ATP8A2: variants seen among roughly 807,000 people sequenced by gnomAD.
The protein encoded by ATP8A2 is ATPase phospholipid transporting 8A2, also known as phospholipid-transporting ATPase IB.
Under a neutral mutation model 165.6 loss-of-function variants are expected in ATP8A2, and 100 were observed. The ratio of observed to expected loss-of-function variants is 0.60; its 90% CI spans 0.51 to 0.71. The LOEUF is 0.71. Among genes scored for constraint, ATP8A2 ranks in the 30% least tolerant of loss-of-function variants. The pLI, the probability that ATP8A2 is intolerant of heterozygous loss-of-function variation, is 0.00. For missense variants in ATP8A2, 1,227 were observed against 1,479.5 expected (o/e 0.83, Z 2.80); for synonymous variants, 543 against 548.8 (o/e 0.99, Z 0.15).
rs551159490 is a variant in ATP8A2, at chr13:25,629,282, G to A, written c.2211+39583G>A. Among the ~76,000 whole-genome samples the A allele has an allele frequency of 2.6e-5, 4 of 152,246 alleles. No individual in the cohort carries two copies. In the East Asian group the frequency reaches 5.8e-4, roughly 22 times the overall value. On this transcript the variant is annotated intron_variant, in intron 24 of 36. Coordinates refer to ENST00000381655, the MANE Select transcript of ATP8A2 (RefSeq NM_016529.6). The stretch of plus-strand genomic sequence containing the variant: ...CTCAATAAAAAAATTTTTAGAAGAA[G>A]CAATAGAATAGCAAATCATATCATT...
intron 24 of ATP8A2, among the ~76,000 whole-genome samples, chr13:25,639,997 A>G (rs1332946433): frequency 6.6e-6 from 1 of 152,358 alleles, no homozygotes; most frequent in East Asian, 1.9e-4. Context: ...CTGCTTCTGA[A>G]TGACTACTGG....
chr13:25,987,737 G>A (rs1956301567), intron 35 of ATP8A2, among the ~76,000 whole-genome samples: 1 of 152,246 alleles, frequency 6.6e-6, no homozygotes, highest in South Asian at 2.1e-4. Flanking sequence ...GACAGCCTTC[G>A]CATAACACCA....
intron 34 of ATP8A2, among the ~76,000 whole-genome samples, chr13:25,967,948 G>A (rs540225603): frequency 6.6e-6 from 1 of 152,144 alleles, no homozygotes; most frequent in Non-Finnish European, 1.5e-5. Context: ...ATGTCACTGA[G>A]GCCTGCGTGT....
chr13:25,574,250 A>G lies in ATP8A2; in HGVS notation c.1663-558A>G, dbSNP rs112285846. On this transcript the variant is annotated intron_variant, in intron 18 of 36. Transcript: ENST00000381655. ...ACCAGGTACAGATTCACCATCTCTTATCTGCAAATTCGAAACCCAAATGCC... is the reference window on the plus strand; with the variant it reads ...ACCAGGTACAGATTCACCATCTCTTGTCTGCAAATTCGAAACCCAAATGCC... Among the ~76,000 whole-genome samples the G allele has an allele frequency of 1.3e-3, 195 of 152,366 alleles. 3 individuals carry two copies. The highest frequency in any genetic ancestry group is 4.4e-3 in the African/African-American group (183 of 41,592).
intron 23 of ATP8A2, among the ~76,000 whole-genome samples, chr13:25,587,492 A>G (rs1310375286): frequency 6.6e-6 from 1 of 152,204 alleles, no homozygotes; most frequent in East Asian, 1.9e-4. Flanking sequence ...TCAGTTGTCA[A>G]ATGGCATTTT....
At chr13:25,977,696 A>G (rs1593660200) in intron 35 of ATP8A2, among the ~76,000 whole-genome samples, 1 of 152,330 alleles carries the variant, frequency 6.6e-6, no homozygotes, top group African/African-American at 2.4e-5. Context: ...AAATTTTTAA[A>G]TTAAATACCA....
At chr13:25,641,749 A>G (rs1307537505) in intron 24 of ATP8A2, among the ~76,000 whole-genome samples, 3 of 151,958 alleles carry the variant, frequency 2.0e-5, no homozygotes, top group Non-Finnish European at 2.9e-5. Context: ...ATTGGAAAAA[A>G]CTACTTTAAA....
chr13:25,977,676 A>C (rs1199006725), intron 35 of ATP8A2, among the ~76,000 whole-genome samples: 1 of 152,194 alleles, frequency 6.6e-6, no homozygotes, highest in Non-Finnish European at 1.5e-5. Flanking sequence ...ACCGATGTTT[A>C]ATAATTAGAA....
In ATP8A2 at chr13:26,019,895, T is replaced by A; in HGVS notation, c.3477T>A (p.Tyr1159Ter). 1 of 1,613,130 alleles carries A rather than the reference T, an allele frequency of 6.2e-7. No individual in the cohort carries two copies. The highest frequency in any genetic ancestry group is 8.5e-7 in the Non-Finnish European group (1 of 1,179,026). The change falls in exon 37 of 37, where the codon TAT (tyrosine) becomes TAA (stop). Residue 1159 changes from tyrosine (Y) to a stop codon, truncating the protein, a stop_gained. Coordinates refer to ENST00000381655, the MANE Select transcript of ATP8A2 (RefSeq NM_016529.6). LOFTEE classifies it high-confidence loss of function. Reference sequence around the variant, plus strand: ...TGTGTGCTTCACTTTCAGATGGGTATGCTTTTTCTCAAGAAGAACACGGAG... The same window carrying A: ...TGTGTGCTTCACTTTCAGATGGGTAAGCTTTTTCTCAAGAAGAACACGGAG... ...SSLQQGVPHG[Y>*]AFSQEEHGAV... is the part of the protein sequence containing the mutation.
intron 24 of ATP8A2, among the ~76,000 whole-genome samples, chr13:25,659,179 C>T (rs576254528): frequency 3.9e-5 from 6 of 152,194 alleles, no homozygotes; most frequent in Non-Finnish European, 7.4e-5. Flanking sequence ...TGCAAACGGT[C>T]GTTTGATTCG....
chr13:25,507,101 T>G (rs1036082547), intron 2 of ATP8A2, among the ~76,000 whole-genome samples: 1 of 151,808 alleles, frequency 6.6e-6, no homozygotes, highest in African/African-American at 2.4e-5. Flanking sequence ...AGTCAGAACA[T>G]GTATAAAACT....
chr13:25,919,460 A>G (rs1181374781), intron 33 of ATP8A2, among the ~76,000 whole-genome samples: 1 of 152,160 alleles, frequency 6.6e-6, no homozygotes, highest in Non-Finnish European at 1.5e-5. Context: ...AAGAATGTAT[A>G]TCTTTCTGCT....
chr13:25,583,326 ATACT>A (rs1593583865), intron 23 of ATP8A2, among the ~76,000 whole-genome samples: 1 of 152,198 alleles, frequency 6.6e-6, no homozygotes, highest in Admixed American at 6.5e-5. Context: ...TTACCCTGAA[ATACT>A]TACCTAAAAT....
chr13:25,777,395 G>C (rs1212620851), intron 27 of ATP8A2, among the ~76,000 whole-genome samples: 1 of 152,168 alleles, frequency 6.6e-6, no homozygotes, highest in Non-Finnish European at 1.5e-5. Context: ...CAATTTTAGT[G>C]TGTTGTGAAC....
chr13:25,510,426 C>T (rs2037188350), intron 2 of ATP8A2, among the ~76,000 whole-genome samples: 1 of 152,200 alleles, frequency 6.6e-6, no homozygotes, highest in Admixed American at 6.5e-5. Context: ...AGAGCAAATA[C>T]GTTTTAGAAT....
chr13:25,643,245 G>GT (rs2137580413), intron 24 of ATP8A2, among the ~76,000 whole-genome samples: 1 of 152,108 alleles, frequency 6.6e-6, no homozygotes, highest in East Asian at 1.9e-4. Context: ...TGATCCTCTG[G>GT]TTTTTCCTGA....
chr13:25,487,854 T>C (rs2036399936), intron 2 of ATP8A2, among the ~76,000 whole-genome samples: 1 of 152,202 alleles, frequency 6.6e-6, no homozygotes, highest in South Asian at 2.1e-4. Flanking sequence ...TTTCTTTTTT[T>C]TTTTGTAATA....
intron 27 of ATP8A2, among the ~76,000 whole-genome samples, chr13:25,799,030 G>A (rs866770529): frequency 9.9e-5 from 15 of 151,632 alleles, no homozygotes; most frequent in African/African-American, 3.4e-4. Flanking sequence ...CAGGAGAAAA[G>A]CACACCAATT....
intron 27 of ATP8A2, among the ~76,000 whole-genome samples, chr13:25,813,538 G>A (rs1476381789): frequency 3.3e-5 from 5 of 151,994 alleles, no homozygotes; most frequent in African/African-American, 7.3e-5. Context: ...ATGATGATAC[G>A]GTATATGATA....
Sources: gnomAD v4.1 joint callset for allele counts (sites outside exome capture counted in the v4.1 genomes callset) on GRCh38, gnomAD v4.1.1 for gene constraint, MANE v1.5 for transcripts, NCBI Gene and HGNC (gene_info 2026-07-23, HGNC 2026-07-21) for gene names.